The following BNIPL variants were observed in gnomAD, a reference collection of about 807,000 sequenced individuals.
BNIPL encodes the protein BCL2 interacting protein like, also known as bcl-2/adenovirus E1B 19 kDa-interacting protein 2-like protein.
BNIPL carries 33 observed loss-of-function variants against 47.0 expected under a neutral mutation model. The ratio of observed to expected loss-of-function variants is 0.70; its 90% CI spans 0.53 to 0.94. BNIPL has a LOEUF of 0.94. Ranked by LOEUF, BNIPL falls within the 40% of genes least tolerant of loss-of-function variation. The pLI is 0.00. For missense variants in BNIPL, 404 were observed against 445.2 expected, an observed-to-expected ratio of 0.91 and a Z score of 0.83; for synonymous variants, 145 against 162.7, an observed-to-expected ratio of 0.89 and a Z score of 0.83.
chr1:151,037,521 C>A (rs746790931), intron 1 of BNIPL, 46 bp from the exon 2 acceptor site: 1 of 1,556,260 alleles, frequency 6.4e-7, no homozygotes, highest in South Asian at 1.2e-5. Flanking sequence ...TTATTCTTAC[C>A]TACTATTCAG....
intron 4 of BNIPL, among the ~76,000 whole-genome samples, chr1:151,040,964 T>G (rs1571838562): frequency 6.6e-6 from 1 of 152,056 alleles, no homozygotes; most frequent in South Asian, 2.1e-4. Flanking sequence ...GCAGATCATC[T>G]GAGCCCAGGA....
rs1339669954 is a variant in BNIPL at position 151,046,142 on chromosome 1, C to T, written c.1014C>T (p.Val338=). The T allele has an allele frequency of 1.9e-6, 3 of 1,614,086 alleles. No individual in the cohort carries two copies. Among genetic ancestry groups the T allele is most frequent in the Non-Finnish European group, 2.5e-6 (3 of 1,180,008 alleles). Residue 338 remains valine (V), a synonymous_variant, in exon 9 of 10, where the codon GTC becomes GTT. Coordinates refer to ENST00000368931, the MANE Select transcript of BNIPL (RefSeq NM_138278.4). ...CCCAACTCATATCCCTGGATCAAGT[C>T]CACATCCCTGAAGCTGTCAGACAGT... ...ELAQLISLDQ[V]HIPEAVRQLD...
chr1:151,040,055 A>G (rs1675764069), intron 4 of BNIPL, among the ~76,000 whole-genome samples: 4 of 151,950 alleles, frequency 2.6e-5, no homozygotes, highest in Admixed American at 2.6e-4. Context: ...CTGGCCCAGT[A>G]AGGTTTTAAT....
Position 151,043,105 on chromosome 1 carries a change from A to C in BNIPL, c.583A>C (p.Ile195Leu). 1 of 1,613,482 alleles carries C rather than the reference A, an allele frequency of 6.2e-7. No individual in the cohort carries two copies. The highest frequency in any genetic ancestry group is 1.1e-5 in the South Asian group (1 of 90,952). ...PREQRVDMTV[I>L]EPYKKVLSHG... Reference sequence around the variant, plus strand: ...GGAGCAGCGCGTAGACATGACTGTCATTGAGCCCTATAAGAAAGTCCTGTC... The same window carrying C: ...GGAGCAGCGCGTAGACATGACTGTCCTTGAGCCCTATAAGAAAGTCCTGTC... The change falls in exon 5 of 10, where the codon ATT (isoleucine) becomes CTT (leucine). Residue 195 changes from isoleucine (I) to leucine (L), a missense_variant. Physicochemically the swap from Ile to Leu is conservative, Grantham distance 5 (BLOSUM62 2). Transcript: ENST00000368931.
chr1:151,044,773 C>A, intron 7 of BNIPL: 7 of 1,241,532 alleles, frequency 5.6e-6, no homozygotes, highest in Non-Finnish European at 7.3e-6. Flanking sequence ...TCTTTTCCTT[C>A]TCAGGTTTTT....
At position 151,038,866 on chromosome 1, in the gene BNIPL, G is replaced by A; in HGVS notation, c.273G>A (p.Glu91=). 6.2e-7 allele frequency: 1 copy of A among 1,614,002 alleles called. No individual in the cohort carries two copies. The highest frequency in any genetic ancestry group is 8.5e-7 in the Non-Finnish European group (1 of 1,179,920). Residue 91 remains glutamate (E), a synonymous_variant, in exon 4 of 10, where the codon GAG becomes GAA. Transcript: ENST00000368931. The part of the protein sequence containing the change: ...RPMRKRLSAP[E]LRLSLTKGPG... ...TGCGCAAGCGTCTTTCTGCCCCAGAGTTGCGGCTGAGTCTGACTAAGGGGC... is the reference window on the plus strand; with the variant it reads ...TGCGCAAGCGTCTTTCTGCCCCAGAATTGCGGCTGAGTCTGACTAAGGGGC...
Position 151,046,678 on chromosome 1 carries a change from AG to A in BNIPL, c.1068del (p.Thr357HisfsTer10). 6.2e-7 allele frequency: 1 copy of A among 1,604,448 alleles called. No individual in the cohort carries two copies. Among genetic ancestry groups the A allele is most frequent in the Non-Finnish European group, 8.5e-7 (1 of 1,171,316 alleles). On this transcript the variant is annotated frameshift_variant, in exon 10 of 10. Transcript: ENST00000368931. LOFTEE classifies it high-confidence loss of function. ...QLDRDLHGSG[G>X]T ...TGGACCGGGATCTCCATGGCTCAGG[AG>A]GGACATAGCACAGGACTGGATAAAA...
At chr1:151,044,851 T>C (rs1675949769) in intron 7 of BNIPL, 1 of 1,290,402 alleles carries the variant, frequency 7.7e-7, no homozygotes, top group Non-Finnish European at 1.0e-6. Flanking sequence ...CTTTCCTTTT[T>C]TCGTCCTTGC....
rs776246582 is a variant in BNIPL at position 151,043,044 on chromosome 1, T to C, written c.522T>C (p.Asp174=). ...RGCMWDVTGE[D]GHHWRVFRMG... ...GTATGTGGGATGTGACTGGAGAAGA[T>C]GGACATCACTGGAGGGTGTTCCGAA... The change falls in exon 5 of 10, where the codon GAT becomes GAC. Residue 174 remains aspartate, a synonymous_variant. Transcript: ENST00000368931. 4.5e-5 allele frequency: 73 copies of C among 1,611,354 alleles called. No homozygotes were observed. Among genetic ancestry groups the C allele is most frequent in the Non-Finnish European group, 5.8e-5 (68 of 1,179,332 alleles).
intron 7 of BNIPL, chr1:151,045,078 C>CA (rs1675962210): frequency 3.2e-6 from 2 of 615,756 alleles, no homozygotes; most frequent in African/African-American, 4.0e-5. Flanking sequence ...GCCTGGCCAA[C>CA]ATGGTGACAA....
In BNIPL at chr1:151,038,946, G is replaced by C; in HGVS notation, c.353G>C (p.Ser118Thr). The part of the protein sequence containing the change: ...TQSAPSSPDG[S>T]SDLEIDELET... The stretch of plus-strand genomic sequence containing the variant: ...TCTGCACCTTCCTCTCCTGATGGCA[G>C]TTCTGACCTGGAGATAGACGAATTG... Residue 118 changes from serine (S) to threonine (T), a missense_variant, in exon 4 of 10, where the codon AGT becomes ACT. By Grantham distance (58) the Ser-to-Thr change is moderately conservative. Coordinates refer to ENST00000368931, the MANE Select transcript of BNIPL (RefSeq NM_138278.4). The C allele has an allele frequency of 6.2e-7, 1 of 1,613,642 alleles. No individual in the cohort carries two copies. Among genetic ancestry groups the C allele is most frequent in the Non-Finnish European group, 8.5e-7 (1 of 1,179,842 alleles).
At chr1:151,045,677 C>T in intron 7 of BNIPL, 120 bp from the exon 8 acceptor site, 1 of 1,523,598 alleles carries the variant, frequency 6.6e-7, no homozygotes, top group Non-Finnish European at 8.8e-7. Context: ...ACCCAAGTAC[C>T]AGATAAATCT....
intron 7 of BNIPL, among the ~76,000 whole-genome samples, chr1:151,045,266 C>CAAAAAAAA (rs35529687): frequency 5.7e-5 from 3 of 52,368 alleles, no homozygotes; most frequent in East Asian, 6.6e-4. Flanking sequence ...GATTCCATCT[C>CAAAAAAAA]AAAAAAAAAA....
chr1:151,041,298 A>G (rs1675817533), intron 4 of BNIPL, among the ~76,000 whole-genome samples: 1 of 152,232 alleles, frequency 6.6e-6, no homozygotes, highest in Non-Finnish European at 1.5e-5. Context: ...TACCAAGGCC[A>G]GGTGAGAAAT....
chr1:151,043,247 C>T, intron 5 of BNIPL, 85 bp from the exon 6 acceptor site: 1 of 1,506,740 alleles, frequency 6.6e-7, no homozygotes, highest in South Asian at 1.1e-5. Context: ...TTCCAGAGAC[C>T]CTCAGAGTCC....
At position 151,046,759 on chromosome 1, in the gene BNIPL, C is replaced by T; in HGVS notation, c.*72C>T. 1 of 1,320,264 alleles carries T rather than the reference C, an allele frequency of 7.6e-7. No individual in the cohort carries two copies. The highest frequency in any genetic ancestry group is 1.1e-6 in the Non-Finnish European group (1 of 936,436). 81.8% of individuals were successfully genotyped at this position (1,320,264 alleles called of 1,614,324 possible). A position where few individuals can be genotyped will look rare whatever the true frequency, so the allele number is the denominator to read the frequency against. ...CACCTGAATCCCTGAAACATCTGAA[C>T]TGTTTTGTAAATCATCTTATCCCCA... On this transcript the variant is annotated 3_prime_UTR_variant, in exon 10 of 10. Transcript: ENST00000368931.
In BNIPL at chr1:151,038,881, G is replaced by A. The variant is rs1675723622; in HGVS notation, c.288G>A (p.Leu96=). 3.1e-6 allele frequency: 5 copies of A among 1,614,106 alleles called. No individual in the cohort carries two copies. The highest frequency in any genetic ancestry group is 4.2e-6 in the Non-Finnish European group (5 of 1,179,972). Residue 96 remains leucine (L), a synonymous_variant, in exon 4 of 10, where the codon CTG becomes CTA. Transcript: ENST00000368931. ...RLSAPELRLS[L]TKGPGNDGAS... Reference sequence around the variant, plus strand: ...CTGCCCCAGAGTTGCGGCTGAGTCTGACTAAGGGGCCTGGAAATGATGGAG... The same window carrying A: ...CTGCCCCAGAGTTGCGGCTGAGTCTAACTAAGGGGCCTGGAAATGATGGAG...
At chr1:151,039,283 G>A (rs896743771) in intron 4 of BNIPL, among the ~76,000 whole-genome samples, 1 of 152,144 alleles carries the variant, frequency 6.6e-6, no homozygotes, top group African/African-American at 2.4e-5. Context: ...TAGGACTGGG[G>A]TTATAAAGAT....
intron 2 of BNIPL, among the ~76,000 whole-genome samples, chr1:151,038,000 C>CAAAAAAAAAAAAAAAAA (rs58423611): frequency 1.3e-4 from 8 of 63,970 alleles, no homozygotes; most frequent in African/African-American, 7.5e-4. Flanking sequence ...AACTCTGTCT[C>CAAAAAAAAAAAAAAAAA]AAAAAAAAAA....
Sources: allele counts gnomAD v4.1 joint callset (sites outside exome capture counted in the v4.1 genomes callset), GRCh38; gene constraint gnomAD v4.1.1; transcripts MANE v1.5; gene names NCBI Gene and HGNC (gene_info 2026-07-23, HGNC 2026-07-21).